TBC1D4: variants seen among roughly 807,000 people sequenced by gnomAD.
TBC1D4 encodes the protein TBC1 domain family member 4.
Under a neutral mutation model 142.5 loss-of-function variants are expected in TBC1D4, and 121 were observed. That is an observed-to-expected ratio of 0.85 (90% confidence interval 0.73 to 0.99). The LOEUF is 0.99. Among genes scored for constraint, TBC1D4 ranks in the 50% least tolerant of loss-of-function variants. The pLI is 0.00. For missense variants in TBC1D4, 1,475 were observed against 1,606.6 expected, an observed-to-expected ratio of 0.92 and a Z score of 1.40; for synonymous variants, 630 against 628.2, an observed-to-expected ratio of 1.00 and a Z score of -0.04.
In TBC1D4 at chr13:75,320,150, T is replaced by C. The variant is rs1593721090; in HGVS notation, c.2199-113A>G. On this transcript the variant is annotated intron_variant, in intron 11 of 20. Transcript: ENST00000377636. ...ATCAATAAGTCATGGTAAGGTTACTTCAATAATGAACCACAATGAATAATT... is the reference window on the plus strand; with the variant it reads ...ATCAATAAGTCATGGTAAGGTTACTCCAATAATGAACCACAATGAATAATT... 4 of 1,153,320 alleles carry C rather than the reference T, an allele frequency of 3.5e-6. No homozygotes were observed. In the East Asian group the frequency reaches 9.9e-5, roughly 29 times the overall value. 71.4% of individuals were successfully genotyped at this position (1,153,320 alleles called of 1,614,324 possible). A position where few individuals can be genotyped will look rare whatever the true frequency, so the allele number is the denominator to read the frequency against.
At chr13:75,348,846 C>G (rs1267522538) in intron 5 of TBC1D4, among the ~76,000 whole-genome samples, 2 of 152,014 alleles carry the variant, frequency 1.3e-5, no homozygotes, top group African/African-American at 4.8e-5. Context: ...TCAGTTCCCA[C>G]CATGTACTTA....
At chr13:75,345,481 T>C (rs918263968) in intron 5 of TBC1D4, among the ~76,000 whole-genome samples, 1 of 152,214 alleles carries the variant, frequency 6.6e-6, no homozygotes. Context: ...TCCCTTCAGA[T>C]ACATGCATGC....
In TBC1D4 at chr13:75,310,068, C is replaced by A; in HGVS notation, c.2467G>T (p.Gly823Trp). ...EEEPLVVFLS[G>W]EDDPEKIEER... ...TCAATCTTTTCTGGGTCATCCTCCC[C>A]AGACAGGAATACAACCAGCGGTTCC... Residue 823 changes from glycine to tryptophan, a missense_variant, in exon 14 of 21, where the codon GGG becomes TGG. Transcript: ENST00000377636. 1 of 1,614,096 alleles carries A rather than the reference C, an allele frequency of 6.2e-7. No homozygotes were observed.
At chr13:75,466,191 C>G (rs1026062861) in intron 1 of TBC1D4, among the ~76,000 whole-genome samples, 12 of 152,194 alleles carry the variant, frequency 7.9e-5, no homozygotes, top group Admixed American at 1.3e-4. Context: ...GTCACACTTG[C>G]GTAGTCAATA....
At chr13:75,446,761 T>C (rs776046080) in intron 1 of TBC1D4, among the ~76,000 whole-genome samples, 17 of 152,198 alleles carry the variant, frequency 1.1e-4, no homozygotes, top group Non-Finnish European at 1.6e-4. Context: ...TAACCTTCAA[T>C]AAAAGCAGAT....
At chr13:75,399,198 T>C (rs1161340133) in intron 1 of TBC1D4, among the ~76,000 whole-genome samples, 1 of 152,100 alleles carries the variant, frequency 6.6e-6, no homozygotes, top group African/African-American at 2.4e-5. Context: ...CAAACTTCTA[T>C]AGGCAGGAAG....
intron 1 of TBC1D4, among the ~76,000 whole-genome samples, chr13:75,464,743 T>C (rs963351725): frequency 2.6e-4 from 39 of 152,324 alleles, no homozygotes; most frequent in African/African-American, 9.4e-4. Flanking sequence ...CCACTGTATG[T>C]CCAGGGACAA....
chr13:75,362,014 G>C lies in TBC1D4; in HGVS notation c.1080+12C>G, dbSNP rs758910286. The C allele has an allele frequency of 6.2e-7, 1 of 1,614,052 alleles. No individual in the cohort carries two copies. Among genetic ancestry groups the C allele is most frequent in the East Asian group, 2.2e-5 (1 of 44,870 alleles). The stretch of plus-strand genomic sequence containing the variant: ...TTTGGGGCAAGGGCAGACAGCGTCC[G>C]ATCAGGTGTACCTGGAAGAGCATGG... On this transcript the variant is annotated intron_variant, in intron 2 of 20. Coordinates refer to ENST00000377636, the MANE Select transcript of TBC1D4 (RefSeq NM_014832.5). This position sits in a 1 kb window ranked among gnomAD's most constrained non-coding sequence, Gnocchi z 4.2.
intron 1 of TBC1D4, among the ~76,000 whole-genome samples, chr13:75,464,883 T>C (rs1593915406): frequency 1.3e-5 from 2 of 152,228 alleles, no homozygotes; most frequent in Admixed American, 6.5e-5. Flanking sequence ...AGAAACTACC[T>C]ACTACAAAAC....
chr13:75,378,176 A>T (rs1883627473), intron 1 of TBC1D4, among the ~76,000 whole-genome samples: 1 of 152,194 alleles, frequency 6.6e-6, no homozygotes, highest in African/African-American at 2.4e-5. Flanking sequence ...TAATAAACGC[A>T]CGTCAATATA....
intron 1 of TBC1D4, among the ~76,000 whole-genome samples, chr13:75,436,380 G>A (rs1886801597): frequency 6.6e-6 from 1 of 152,184 alleles, no homozygotes; most frequent in South Asian, 2.1e-4. Flanking sequence ...TTTCAGGCTG[G>A]GTACAGTGGC....
In TBC1D4 at chr13:75,397,302, A is replaced by G. The variant is rs183842093; in HGVS notation, c.499-34695T>C. Reference sequence around the variant, plus strand: ...AATAATCAACTCCCAAAATCAACTTACAAAGCATAAATTAACTATGAACAC... The same window carrying G: ...AATAATCAACTCCCAAAATCAACTTGCAAAGCATAAATTAACTATGAACAC... On this transcript the variant is annotated intron_variant, in intron 1 of 20. Coordinates refer to ENST00000377636, the MANE Select transcript of TBC1D4 (RefSeq NM_014832.5). Among the ~76,000 whole-genome samples, 110 of 152,346 alleles carry G rather than the reference A, an allele frequency of 7.2e-4. 1 individual carries two copies. The highest frequency in any genetic ancestry group is 2.5e-3 in the African/African-American group (106 of 41,588).
In TBC1D4 at chr13:75,294,905, G is replaced by A. The variant is rs1456047654; in HGVS notation, c.3265C>T (p.Leu1089Phe). ...GAAAACTGAGAGGCAAACAATGTGA[G>A]GAACCAGGGGGCAGCATAAAGACTG... is the stretch of plus-strand genomic sequence containing the variant. ...SPSLYAAPWFLTLFASQFSLG... is the reference protein window; with the variant it reads ...SPSLYAAPWFFTLFASQFSLG... Residue 1089 changes from leucine (L) to phenylalanine (F), a missense_variant, in exon 18 of 21, where the codon CTC becomes TTC. Physicochemically the swap from Leu to Phe is conservative, Grantham distance 22. Around this residue, in one of 2 missense-constraint regions of TBC1D4, gnomAD observed 248 missense variants for 338.9 expected, o/e 0.73. Transcript: ENST00000377636. 6.2e-7 allele frequency: 1 copy of A among 1,613,964 alleles called. No individual in the cohort carries two copies. Among genetic ancestry groups the A allele is most frequent in the South Asian group, 1.1e-5 (1 of 91,078 alleles).
At chr13:75,360,249 T>C (rs886841712) in intron 2 of TBC1D4, among the ~76,000 whole-genome samples, 5 of 152,168 alleles carry the variant, frequency 3.3e-5, no homozygotes, top group Admixed American at 3.3e-4. Flanking sequence ...TATCTGTAAT[T>C]GGGCTAATGA....
In TBC1D4 at chr13:75,453,831, C is replaced by T. The variant is rs373214118; in HGVS notation, c.498+27439G>A. On this transcript the variant is annotated intron_variant, in intron 1 of 20. Transcript: ENST00000377636. ...GAGCCGTGATAGTGCCACTGCCATCCAGCCTGGAGGACAGAGCAAGACTCT... is the reference window on the plus strand; with the variant it reads ...GAGCCGTGATAGTGCCACTGCCATCTAGCCTGGAGGACAGAGCAAGACTCT... Among the ~76,000 whole-genome samples, 10 of 149,300 alleles carry T rather than the reference C, an allele frequency of 6.7e-5. No individual in the cohort carries two copies. The East Asian group carries it at 2.0e-3, about 29-fold the overall frequency.
At position 75,327,793 on chromosome 13, in the gene TBC1D4, C is replaced by T; in HGVS notation, c.1765G>A (p.Val589Met). 6.2e-7 allele frequency: 1 copy of T among 1,613,998 alleles called. No individual in the cohort carries two copies. Among genetic ancestry groups the T allele is most frequent in the Non-Finnish European group, 8.5e-7 (1 of 1,179,908 alleles). The change falls in exon 9 of 21, where the codon GTG (valine) becomes ATG (methionine). Residue 589 changes from valine to methionine, a missense_variant. Physicochemically the swap from Val to Met is conservative, Grantham distance 21. Coordinates refer to ENST00000377636, the MANE Select transcript of TBC1D4 (RefSeq NM_014832.5). Reference sequence around the variant, plus strand: ...CTGTTGGACCGTTCAAAACTGTCCACACTTCCAAGCCGACCTCTCATTCTG... The same window carrying T: ...CTGTTGGACCGTTCAAAACTGTCCATACTTCCAAGCCGACCTCTCATTCTG... ...ANRMRGRLGSVDSFERSNSLA... is the reference protein window; with the variant it reads ...ANRMRGRLGSMDSFERSNSLA...
At chr13:75,325,743 G>A (rs1216937653) in intron 10 of TBC1D4, among the ~76,000 whole-genome samples, 1 of 152,076 alleles carries the variant, frequency 6.6e-6, no homozygotes, top group African/African-American at 2.4e-5. Flanking sequence ...AATTTATTAT[G>A]TAACAAAATA....
In TBC1D4 at chr13:75,466,281, C is replaced by T. The variant is rs1360249917; in HGVS notation, c.498+14989G>A. Among the ~76,000 whole-genome samples, 6 of 152,176 alleles carry T rather than the reference C, an allele frequency of 3.9e-5. No homozygotes were observed. The East Asian group carries it at 5.8e-4, about 15-fold the overall frequency. On this transcript the variant is annotated intron_variant, in intron 1 of 20. Transcript: ENST00000377636. ...AGAAGTTAGTTACTTCTTTTAAGAC[C>T]GATTACAGTGAACATGTTCAAAACA...
At chr13:75,436,881 G>A (rs1886822861) in intron 1 of TBC1D4, among the ~76,000 whole-genome samples, 1 of 152,176 alleles carries the variant, frequency 6.6e-6, no homozygotes, top group Non-Finnish European at 1.5e-5. Flanking sequence ...ACCAGTAATG[G>A]GACATATTGA....
Sources: allele counts gnomAD v4.1 joint callset (sites outside exome capture counted in the v4.1 genomes callset), GRCh38; gene constraint gnomAD v4.1.1; regional missense constraint gnomAD v4.1.1; non-coding constraint Gnocchi (gnomAD v3.1); transcripts MANE v1.5; gene names NCBI Gene and HGNC (gene_info 2026-07-23, HGNC 2026-07-21).